TRIM16: variants seen among roughly 807,000 people sequenced by gnomAD.
TRIM16 encodes the protein tripartite motif containing 16.
A neutral mutation model predicts 50.4 loss-of-function variants in TRIM16; 33 were observed. The ratio of observed to expected loss-of-function variants is 0.65; its 90% CI spans 0.50 to 0.88. TRIM16 has a LOEUF of 0.88. TRIM16 is among the 40% of genes least tolerant of loss of function. TRIM16 has a pLI of 0.00. For missense variants in TRIM16, 581 were observed against 686.8 expected (o/e 0.85, Z 1.72); for synonymous variants, 229 against 270.7 (o/e 0.85, Z 1.51).
At chr17:15,676,581 G>A (rs1988959094) in intron 6 of TRIM16, among the ~76,000 whole-genome samples, 1 of 151,254 alleles carries the variant, frequency 6.6e-6, no homozygotes, top group African/African-American at 2.4e-5. Context: ...GACTACAGGT[G>A]CCCGCCACCA....
intron 8 of TRIM16, among the ~76,000 whole-genome samples, chr17:15,641,757 AATGG>A (rs1380243416): frequency 6.8e-6 from 1 of 148,118 alleles, no homozygotes; most frequent in Non-Finnish European, 1.5e-5. Context: ...GGGGTAGATG[AATGG>A]ATGGATGGAT....
At chr17:15,633,882 TAA>T (rs1260135829) in intron 9 of TRIM16, among the ~76,000 whole-genome samples, 4 of 149,788 alleles carry the variant, frequency 2.7e-5, no homozygotes, top group African/African-American at 9.9e-5. Flanking sequence ...TTATATGTGT[TAA>T]AGTCTTTTAT....
intron 1 of TRIM16, 191 bp from the exon 2 acceptor site, chr17:15,683,348 A>T: frequency 2.0e-6 from 1 of 504,370 alleles, no homozygotes; most frequent in South Asian, 2.1e-5. Flanking sequence ...CCTTTATACC[A>T]CTAGGGCCCT....
intron 7 of TRIM16, among the ~76,000 whole-genome samples, chr17:15,644,737 G>T (rs1420159934): frequency 6.6e-6 from 1 of 152,130 alleles, no homozygotes; most frequent in Non-Finnish European, 1.5e-5. Flanking sequence ...ACTTCAGAGA[G>T]TCTGGGGGTT....
At chr17:15,664,067 T>A (rs1988367368) in intron 6 of TRIM16, among the ~76,000 whole-genome samples, 1 of 152,148 alleles carries the variant, frequency 6.6e-6, no homozygotes, top group African/African-American at 2.4e-5. Context: ...CAAAACAGGT[T>A]CTAGGAGCCA....
chr17:15,645,006 GGGTTTCACTATGTTGGCCAGACT>G (rs1567675065), intron 7 of TRIM16, among the ~76,000 whole-genome samples: 2 of 152,232 alleles, frequency 1.3e-5, no homozygotes, highest in East Asian at 3.9e-4. Flanking sequence ...AGTAGAGACA[GGGTTTCACTATGTTGGCCAGACT>G]GGTCTGGAAC....
intron 7 of TRIM16, among the ~76,000 whole-genome samples, chr17:15,643,615 T>G (rs1022385053): frequency 2.0e-5 from 3 of 149,964 alleles, no homozygotes; most frequent in African/African-American, 7.5e-5. Flanking sequence ...CAGGGTCTCC[T>G]GAGAGCTGTG....
chr17:15,654,538 A>G (rs1426282436), intron 6 of TRIM16: 2 of 152,240 alleles, frequency 1.3e-5, no homozygotes, highest in Non-Finnish European at 2.9e-5. Context: ...GAAGTCCTTT[A>G]AAAATTAACT....
chr17:15,637,954 C>T (rs1168340302), intron 8 of TRIM16, among the ~76,000 whole-genome samples: 1 of 141,824 alleles, frequency 7.1e-6, no homozygotes, highest in Non-Finnish European at 1.5e-5. Flanking sequence ...TTACCCCCAA[C>T]CCTGTGCTCT....
intron 6 of TRIM16, among the ~76,000 whole-genome samples, chr17:15,669,683 G>A (rs1988644738): frequency 6.6e-6 from 1 of 152,182 alleles, no homozygotes; most frequent in African/African-American, 2.4e-5. Context: ...ACAATCAACT[G>A]CTCACGGTGA....
intron 6 of TRIM16, among the ~76,000 whole-genome samples, chr17:15,660,320 T>C (rs940549325): frequency 6.6e-6 from 1 of 152,150 alleles, no homozygotes; most frequent in Non-Finnish European, 1.5e-5. Context: ...ATAAACAACA[T>C]AGTCTGCCTC....
At chr17:15,629,620 T>A (rs1344927395) in intron 11 of TRIM16, among the ~76,000 whole-genome samples, 8 of 152,268 alleles carry the variant, frequency 5.3e-5, no homozygotes, top group Admixed American at 5.2e-4. Flanking sequence ...TTGACCAACA[T>A]CTTAAAAATG....
rs902296166 is a variant in TRIM16, at chr17:15,630,728, G to A, written c.1111+891C>T. 1.1e-3 allele frequency among the ~76,000 whole-genome samples: 159 copies of A among 150,808 alleles called. 1 individual carries two copies. The highest frequency in any genetic ancestry group is 3.8e-3 in the African/African-American group (155 of 40,944). Reference sequence around the variant, plus strand: ...CCAGCTACTCAGGAGACTGAGGGAGGAGGACTGCTTGAGTGTGGGAGGTCA... The same window carrying A: ...CCAGCTACTCAGGAGACTGAGGGAGAAGGACTGCTTGAGTGTGGGAGGTCA... On this transcript the variant is annotated intron_variant, in intron 11 of 11. Transcript: ENST00000649191.
intron 6 of TRIM16, among the ~76,000 whole-genome samples, chr17:15,670,492 G>C (rs571006779): frequency 1.5e-4 from 23 of 152,228 alleles, no homozygotes; most frequent in African/African-American, 5.1e-4. Flanking sequence ...TTTTATGCAG[G>C]GTTGGGAGGT....
intron 8 of TRIM16, among the ~76,000 whole-genome samples, chr17:15,639,045 CTTTTTTTTTTTTTTTT>C (rs529832460): frequency 9.9e-6 from 1 of 100,916 alleles, no homozygotes; most frequent in Non-Finnish European, 1.8e-5. Flanking sequence ...TTCTCTCTCT[CTTTTTTTTTTTTTTTT>C]TTTTTTTTTT....
At position 15,629,304 on chromosome 17, in the gene TRIM16, A is replaced by C. The variant is rs1338774360; in HGVS notation, c.1112-106T>G. ...CCAAAGCACATATGAGAAAACATCC[A>C]TTTCTCTGTTCTCTATTTACCCAGG... On this transcript the variant is annotated intron_variant, in intron 11 of 11. Coordinates refer to ENST00000649191, the MANE Select transcript of TRIM16 (RefSeq NM_001348119.1). 5 of 668,250 alleles carry C rather than the reference A, an allele frequency of 7.5e-6. No homozygotes were observed. In the Admixed American group the frequency reaches 1.5e-4, roughly 20 times the overall value. 41.4% of individuals were successfully genotyped at this position (668,250 alleles called of 1,614,324 possible). A position where few individuals can be genotyped will look rare whatever the true frequency, so the allele number is the denominator to read the frequency against.
intron 4 of TRIM16, among the ~76,000 whole-genome samples, chr17:15,679,291 C>G (rs1269243947): frequency 6.6e-6 from 1 of 152,210 alleles, no homozygotes; most frequent in Non-Finnish European, 1.5e-5. Context: ...CCAGAACGCT[C>G]TTTGTGTAGA....
rs1399567922 is a variant in TRIM16 at position 15,683,105 on chromosome 17, A to T, written c.-846T>A. 1.3e-6 allele frequency: 2 copies of T among 1,550,280 alleles called. No homozygotes were observed. Among genetic ancestry groups the T allele is most frequent in the Non-Finnish European group, 1.7e-6 (2 of 1,146,970 alleles). ...TTTGCTTCACTATTTGGGTGTAGCA[A>T]CCTTTCCGTTCTCCACGTATCTTCC... is the stretch of plus-strand genomic sequence containing the variant. On this transcript the variant is annotated 5_prime_UTR_variant, in exon 2 of 12. It adds an upstream start codon to the 5' untranslated region. Coordinates refer to ENST00000649191, the MANE Select transcript of TRIM16 (RefSeq NM_001348119.1).
At chr17:15,635,119 T>C (rs1986667218) in intron 9 of TRIM16, among the ~76,000 whole-genome samples, 1 of 147,234 alleles carries the variant, frequency 6.8e-6, no homozygotes, top group South Asian at 2.2e-4. Flanking sequence ...CAATAAACAT[T>C]TGTTTTTTGT....
Sources: gnomAD v4.1 joint callset for allele counts (sites outside exome capture counted in the v4.1 genomes callset) on GRCh38, gnomAD v4.1.1 for gene constraint, MANE v1.5 for transcripts, NCBI Gene and HGNC (gene_info 2026-07-23, HGNC 2026-07-21) for gene names.